The following THUMPD3 variants were observed in gnomAD, a reference collection of about 807,000 sequenced individuals.
THUMPD3 encodes the protein THUMP domain 3 tRNA guanosine methyltransferase.
Under a neutral mutation model 54.5 loss-of-function variants are expected in THUMPD3, and 44 were observed. The observed-to-expected ratio is 0.81, with a 90% CI of 0.63 to 1.04. The LOEUF is 1.04. Ranked by LOEUF, THUMPD3 falls within the 50% of genes least tolerant of loss-of-function variation. The pLI is 0.00. For missense variants in THUMPD3, 604 were observed against 601.3 expected, an observed-to-expected ratio of 1.00 and a Z score of -0.05; for synonymous variants, 196 against 201.4, an observed-to-expected ratio of 0.97 and a Z score of 0.23.
Position 9,384,838 on chromosome 3 carries a change from T to G in THUMPD3, c.*150T>G. The G allele has an allele frequency of 2.3e-6, 2 of 866,346 alleles. No homozygotes were observed. 53.7% of individuals were successfully genotyped at this position (866,346 alleles called of 1,614,324 possible). A position where few individuals can be genotyped will look rare whatever the true frequency, so the allele number is the denominator to read the frequency against. On this transcript the variant is annotated 3_prime_UTR_variant, in exon 10 of 10. Transcript: ENST00000452837. ...TGGTTAGCAAAAGGTGTGAATGTAA[T>G]GTGATGGAATTTAAAAGTTTTATGA...
chr3:9,368,123 T>C (rs1373851426), intron 3 of THUMPD3, among the ~76,000 whole-genome samples: 1 of 152,184 alleles, frequency 6.6e-6, no homozygotes, highest in Admixed American at 6.5e-5. Flanking sequence ...ATCTAACTTT[T>C]AGAAAAGCTT....
intron 3 of THUMPD3, among the ~76,000 whole-genome samples, chr3:9,368,638 G>A (rs773699433): frequency 2.0e-5 from 3 of 152,160 alleles, no homozygotes; most frequent in African/African-American, 4.8e-5. Context: ...TGGGGTTACA[G>A]GCGTAAGCCA....
At chr3:9,366,835 A>G (rs2031602178) in intron 2 of THUMPD3, 73 bp from the exon 3 acceptor site, 3 of 1,222,984 alleles carry the variant, frequency 2.5e-6, no homozygotes, top group Non-Finnish European at 3.5e-6. Context: ...CTAATTTTTT[A>G]AATACTTAAT....
At position 9,380,426 on chromosome 3, in the gene THUMPD3, TTTTC is replaced by T. The variant is rs375901055; in HGVS notation, c.1009-73_1009-70del. ...TTTGCCACTCTAGAAAAGCACTGGA[TTTTC>T]TTTGTTTGTTGACAATTTAATCATA... On this transcript the variant is annotated intron_variant, in intron 6 of 9. Transcript: ENST00000452837. 1,444 of 1,009,532 alleles carry T rather than the reference TTTTC, an allele frequency of 1.4e-3. 29 individuals are homozygous for T. In the East Asian group the frequency reaches 0.016, roughly 11 times the overall value. 62.5% of individuals were successfully genotyped at this position (1,009,532 alleles called of 1,614,324 possible).
At chr3:9,376,337 A>C (rs1473412280) in intron 5 of THUMPD3, among the ~76,000 whole-genome samples, 2 of 152,102 alleles carry the variant, frequency 1.3e-5, no homozygotes, top group African/African-American at 4.8e-5. Context: ...GAGCCTGTGG[A>C]CTCTTGTCTC....
At chr3:9,373,374 T>G (rs534252793) in intron 4 of THUMPD3, among the ~76,000 whole-genome samples, 1 of 152,212 alleles carries the variant, frequency 6.6e-6, no homozygotes, top group East Asian at 1.9e-4. Flanking sequence ...CAGACACCTA[T>G]AGTCCCAGGT....
intron 7 of THUMPD3, 60 bp from the exon 8 acceptor site, chr3:9,383,139 A>C (rs765463705): frequency 1.2e-5 from 15 of 1,206,760 alleles, no homozygotes; most frequent in East Asian, 2.3e-5. Flanking sequence ...AGAAACAAAA[A>C]TTGTTGTAAT....
In THUMPD3 at chr3:9,374,721, G is replaced by A. The variant is rs1429809687; in HGVS notation, c.938+75G>A. 2.0e-6 allele frequency: 3 copies of A among 1,525,550 alleles called. No homozygotes were observed. In the Admixed American group the frequency reaches 5.3e-5, roughly 27 times the overall value. The allele number at this position is 1,525,550 out of a possible 1,614,324, so 94.5% of individuals were successfully genotyped here. The stretch of plus-strand genomic sequence containing the variant: ...TGTTCCCTTCAAAATACTGATTTGT[G>A]TGTATGTGTGTTTGAGGTACTGTGT... On this transcript the variant is annotated intron_variant, in intron 5 of 9. Transcript: ENST00000452837.
intron 4 of THUMPD3, among the ~76,000 whole-genome samples, chr3:9,374,045 G>A (rs1011740324): frequency 2.0e-5 from 3 of 152,002 alleles, no homozygotes; most frequent in African/African-American, 7.3e-5. Flanking sequence ...CCAGTACCTC[G>A]GGCTCCCCTT....
At chr3:9,369,095 A>T (rs750095446) in intron 3 of THUMPD3, among the ~76,000 whole-genome samples, 39 of 152,018 alleles carry the variant, frequency 2.6e-4, no homozygotes, top group Non-Finnish European at 5.1e-4. Flanking sequence ...GTGAATCATG[A>T]GGTCAGGAGT....
At chr3:9,376,942 T>G (rs2032501139) in intron 5 of THUMPD3, among the ~76,000 whole-genome samples, 1 of 152,186 alleles carries the variant, frequency 6.6e-6, no homozygotes, top group African/African-American at 2.4e-5. Context: ...AGATAATGCA[T>G]GGAAAGAGCT....
intron 3 of THUMPD3, among the ~76,000 whole-genome samples, chr3:9,367,498 C>G (rs1051255492): frequency 6.6e-6 from 1 of 152,228 alleles, no homozygotes; most frequent in African/African-American, 2.4e-5. Flanking sequence ...CAGCTGCTGC[C>G]TAAGCTGAAG....
chr3:9,369,876 A>T (rs1018927075), intron 3 of THUMPD3, among the ~76,000 whole-genome samples: 4 of 152,122 alleles, frequency 2.6e-5, no homozygotes, highest in African/African-American at 9.7e-5. Flanking sequence ...AAAAATCTTT[A>T]CATTATGTCT....
In THUMPD3 at chr3:9,365,237, A is replaced by G. The variant is rs900979896; in HGVS notation, c.169A>G (p.Arg57Gly). ...TGAGCAAACAGCTGCAGATGAAGTCAGAGAGAAACTTGGGTCATCATGCAA... is the reference window on the plus strand; with the variant it reads ...TGAGCAAACAGCTGCAGATGAAGTCGGAGAGAAACTTGGGTCATCATGCAA... ...GFEQTAADEV[R>G]EKLGSSCKIS... Residue 57 changes from arginine (R) to glycine (G), a missense_variant, in exon 2 of 10, where the codon AGA (arginine) becomes GGA (glycine). By Grantham distance (125) the Arg-to-Gly change is moderately radical. Transcript: ENST00000452837. 3 of 1,614,156 alleles carry G rather than the reference A, an allele frequency of 1.9e-6. No homozygotes were observed. Among genetic ancestry groups the G allele is most frequent in the Non-Finnish European group, 2.5e-6 (3 of 1,180,054 alleles).
chr3:9,384,380 G>A (rs776209647), intron 9 of THUMPD3, 45 bp downstream of exon 9: 6 of 1,598,122 alleles, frequency 3.8e-6, no homozygotes, highest in East Asian at 2.2e-5. Context: ...GGCAACTTTG[G>A]GATCTTTTTG....
chr3:9,377,441 T>G (rs1222536115), intron 5 of THUMPD3, among the ~76,000 whole-genome samples: 1 of 152,174 alleles, frequency 6.6e-6, no homozygotes, highest in Non-Finnish European at 1.5e-5. Context: ...TTACATGATC[T>G]TGGCTCACTG....
chr3:9,383,617 A>C (rs1465233629), intron 8 of THUMPD3, among the ~76,000 whole-genome samples: 1 of 151,638 alleles, frequency 6.6e-6, no homozygotes. Context: ...GTTTCTCAGC[A>C]TAAATGATTC....
At chr3:9,363,806 C>CTTTTTTTTTTTTTTTTTTTTT (rs56359034) in intron 1 of THUMPD3, 1 of 88,922 alleles carries the variant, frequency 1.1e-5, no homozygotes, top group Admixed American at 1.2e-4. Flanking sequence ...TTAATTTTTT[C>CTTTTTTTTTTTTTTTTTTTTT]TTTTTTTTTT....
chr3:9,380,510 C>A lies in THUMPD3; in HGVS notation c.1016C>A (p.Thr339Asn), dbSNP rs749839737. 3 of 1,607,860 alleles carry A rather than the reference C, an allele frequency of 1.9e-6. No individual in the cohort carries two copies. Among genetic ancestry groups the A allele is most frequent in the Non-Finnish European group, 2.6e-6 (3 of 1,175,768 alleles). ...TACACTCTTATCTTTTAGGGGGCCA[C>A]TGAATGGTCTGACTGTTTCCATATT... ...GTGAIPIEGA[T>N]EWSDCFHIAG... Residue 339 changes from threonine to asparagine, a missense_variant, in exon 7 of 10, where the codon ACT becomes AAT. Coordinates refer to ENST00000452837, the MANE Select transcript of THUMPD3 (RefSeq NM_001114092.2).
Sources: allele counts gnomAD v4.1 joint callset (sites outside exome capture counted in the v4.1 genomes callset), GRCh38; gene constraint gnomAD v4.1.1; transcripts MANE v1.5; gene names NCBI Gene and HGNC (gene_info 2026-07-23, HGNC 2026-07-21).